The following PDE4D variants were observed in gnomAD, a reference collection of about 807,000 sequenced individuals.
PDE4D encodes the protein phosphodiesterase 4D, also known as 3',5'-cyclic-AMP phosphodiesterase 4D.
A neutral mutation model predicts 87.4 loss-of-function variants in PDE4D; 24 were observed. That is an observed-to-expected ratio of 0.27 (90% CI 0.20 to 0.39). The LOEUF is 0.39. PDE4D is among the 10% of genes least tolerant of loss of function. The pLI, the probability that PDE4D is intolerant of heterozygous loss-of-function variation, is 1.00. For synonymous variants in PDE4D, 384 were observed against 383.2 expected, an observed-to-expected ratio of 1.00 and a Z score of -0.02; for missense variants, 714 against 1,041.0, an observed-to-expected ratio of 0.69 and a Z score of 4.32.
At chr5:59,773,852 T>C (rs1263692567) in intron 1 of PDE4D, among the ~76,000 whole-genome samples, 1 of 151,996 alleles carries the variant, frequency 6.6e-6, no homozygotes, top group Non-Finnish European at 1.5e-5. Flanking sequence ...AGGCAGAGAT[T>C]TCCAAAAAAG....
chr5:59,067,582 A>C (rs1764133557), intron 5 of PDE4D, among the ~76,000 whole-genome samples: 1 of 152,182 alleles, frequency 6.6e-6, no homozygotes, highest in African/African-American at 2.4e-5. Context: ...TGCATGGATG[A>C]ATAAACCAAA....
intron 1 of PDE4D, among the ~76,000 whole-genome samples, chr5:60,342,122 G>A (rs1406888074): frequency 6.6e-6 from 1 of 152,220 alleles, no homozygotes; most frequent in African/African-American, 2.4e-5. Flanking sequence ...GGAAGACAGA[G>A]AAGAATAAGT....
chr5:60,393,555 T>G (rs1762696164), intron 1 of PDE4D, among the ~76,000 whole-genome samples: 1 of 152,214 alleles, frequency 6.6e-6, no homozygotes, highest in African/African-American at 2.4e-5. Context: ...ATGTTTGTAT[T>G]GCATTTCACT....
intron 1 of PDE4D, among the ~76,000 whole-genome samples, chr5:59,845,854 A>G (rs760998679): frequency 1.1e-4 from 17 of 152,064 alleles, no homozygotes; most frequent in Non-Finnish European, 1.9e-4. Flanking sequence ...TTCTGAAGAA[A>G]ACACACAGTT....
chr5:59,934,928 G>A (rs965145593), intron 3 of PDE4D, among the ~76,000 whole-genome samples: 6 of 152,064 alleles, frequency 3.9e-5, no homozygotes, highest in Non-Finnish European at 5.9e-5. Flanking sequence ...TTGGAGAGAC[G>A]ACAATTTTCA....
At chr5:59,373,475 C>T (rs185624994) in intron 1 of PDE4D, among the ~76,000 whole-genome samples, 1 of 151,860 alleles carries the variant, frequency 6.6e-6, no homozygotes, top group Non-Finnish European at 1.5e-5. Context: ...GACAGTCAGA[C>T]AAGAATAGAG....
chr5:60,094,546 T>C (rs1320205081), intron 2 of PDE4D, among the ~76,000 whole-genome samples: 2 of 149,868 alleles, frequency 1.3e-5, no homozygotes, highest in Non-Finnish European at 3.0e-5. Flanking sequence ...CAAGTTAAGA[T>C]GAAATCATTA....
intron 1 of PDE4D, among the ~76,000 whole-genome samples, chr5:59,628,891 A>G (rs1831223688): frequency 6.6e-6 from 1 of 152,196 alleles, no homozygotes; most frequent in Admixed American, 6.5e-5. Flanking sequence ...ACAGTTCAGC[A>G]TGGCTGGGGA....
chr5:59,111,163 C>CT (rs1469784754), intron 5 of PDE4D, among the ~76,000 whole-genome samples: 1 of 152,182 alleles, frequency 6.6e-6, no homozygotes, highest in Admixed American at 6.5e-5. Flanking sequence ...TCTCATAGAA[C>CT]TTCAATGTTT....
chr5:59,625,900 G>A (rs1033917007), intron 1 of PDE4D, among the ~76,000 whole-genome samples: 6 of 152,158 alleles, frequency 3.9e-5, no homozygotes, highest in Admixed American at 6.5e-5. Flanking sequence ...CTAACACGGT[G>A]AAACCCCGTC....
intron 1 of PDE4D, among the ~76,000 whole-genome samples, chr5:59,512,908 T>TA (rs1810511015): frequency 6.6e-6 from 1 of 152,170 alleles, no homozygotes; most frequent in African/African-American, 2.4e-5. Context: ...GATGTCTAGT[T>TA]TAAAAAAATA....
chr5:58,980,277 G>A (rs1430290484), intron 11 of PDE4D, among the ~76,000 whole-genome samples: 1 of 152,114 alleles, frequency 6.6e-6, no homozygotes, highest in African/African-American at 2.4e-5. Flanking sequence ...GTACCTCAGA[G>A]AAGGTAGGTA....
chr5:59,473,842 T>C (rs1172188444), intron 1 of PDE4D, among the ~76,000 whole-genome samples: 1 of 152,086 alleles, frequency 6.6e-6, no homozygotes. Context: ...ACTGAGGAGA[T>C]TTGCCCAGCT....
At chr5:59,833,735 AGAG>A (rs1323268119) in intron 1 of PDE4D, among the ~76,000 whole-genome samples, 1 of 152,096 alleles carries the variant, frequency 6.6e-6, no homozygotes, top group Non-Finnish European at 1.5e-5. Flanking sequence ...GGGGTGTGAG[AGAG>A]GAGGTCAGAT....
At chr5:58,994,969 T>G (rs941467950) in intron 6 of PDE4D, among the ~76,000 whole-genome samples, 1 of 129,128 alleles carries the variant, frequency 7.7e-6, no homozygotes, top group African/African-American at 3.0e-5. Context: ...TGTGCCCAAG[T>G]GTTCTCATTG....
chr5:59,243,435 T>C (rs1758086054), intron 1 of PDE4D, among the ~76,000 whole-genome samples: 1 of 150,592 alleles, frequency 6.6e-6, no homozygotes, highest in Non-Finnish European at 1.5e-5. Context: ...ACTATACAAT[T>C]TCTTAAAATA....
intron 1 of PDE4D, among the ~76,000 whole-genome samples, chr5:60,365,065 T>C (rs373915728): frequency 9.2e-5 from 14 of 152,324 alleles, no homozygotes; most frequent in Admixed American, 9.2e-4. Context: ...GATAAGTAGA[T>C]GACATCTCTC....
At chr5:59,065,604 CA>C (rs947203598) in intron 5 of PDE4D, among the ~76,000 whole-genome samples, 1 of 152,072 alleles carries the variant, frequency 6.6e-6, no homozygotes, top group Admixed American at 6.6e-5. Context: ...TACCTGTCTC[CA>C]AACATCTTGC....
intron 1 of PDE4D, among the ~76,000 whole-genome samples, chr5:59,845,082 C>T (rs1353753952): frequency 6.6e-6 from 1 of 152,030 alleles, no homozygotes; most frequent in African/African-American, 2.4e-5. Context: ...CTAAATTCTG[C>T]CAACAACTTG....
Sources: allele counts gnomAD v4.1 joint callset (sites outside exome capture counted in the v4.1 genomes callset), GRCh38; gene constraint gnomAD v4.1.1; transcripts MANE v1.5; gene names NCBI Gene and HGNC (gene_info 2026-07-23, HGNC 2026-07-21).